The following MPPED1 variants were observed in gnomAD, a reference collection of about 807,000 sequenced individuals.
MPPED1 encodes the protein metallophosphoesterase domain containing 1.
In MPPED1, 16 loss-of-function variants were observed where a neutral mutation model predicts 36.2. The observed-to-expected ratio is 0.44, with a 90% CI of 0.30 to 0.67. MPPED1 has a LOEUF of 0.67. MPPED1 is among the 30% of genes least tolerant of loss of function. The pLI is 0.10. For missense variants in MPPED1, 307 were observed against 453.4 expected (o/e 0.68, Z 2.93); for synonymous variants, 199 against 191.3 (o/e 1.04, Z -0.33).
intron 2 of MPPED1, among the ~76,000 whole-genome samples, chr22:43,428,408 G>A (rs930315506): frequency 3.3e-5 from 5 of 152,192 alleles, no homozygotes; most frequent in Admixed American, 6.5e-5. Context: ...GTGGGCACAG[G>A]GATGAGGGGG....
intron 3 of MPPED1, among the ~76,000 whole-genome samples, chr22:43,445,266 G>A (rs1395805706): frequency 6.6e-6 from 1 of 152,174 alleles, no homozygotes; most frequent in African/African-American, 2.4e-5. Flanking sequence ...GTTACCTGGT[G>A]TATAAAACAT....
chr22:43,467,256 G>C (rs1466687349), intron 3 of MPPED1, among the ~76,000 whole-genome samples: 2 of 152,212 alleles, frequency 1.3e-5, no homozygotes, highest in Non-Finnish European at 2.9e-5. Flanking sequence ...TGCCTGCTAA[G>C]GGTGTCTGGA....
intron 5 of MPPED1, among the ~76,000 whole-genome samples, chr22:43,499,409 T>A (rs1162020947): frequency 9.4e-5 from 12 of 127,476 alleles, no homozygotes; most frequent in Non-Finnish European, 1.7e-4. Context: ...ATGGTGGTGG[T>A]GATAGAAGTG....
chr22:43,460,440 C>G (rs2146866329), intron 3 of MPPED1, among the ~76,000 whole-genome samples: 1 of 152,020 alleles, frequency 6.6e-6, no homozygotes, highest in Non-Finnish European at 1.5e-5. Context: ...AAGTGATTCT[C>G]CTGCCTCGGC....
At chr22:43,498,025 G>C (rs1184814727) in intron 4 of MPPED1, among the ~76,000 whole-genome samples, 1 of 150,782 alleles carries the variant, frequency 6.6e-6, no homozygotes, top group Admixed American at 6.6e-5. Context: ...AGCAGAAGGA[G>C]AGAGGAAAGA....
chr22:43,443,391 C>T (rs1475378168), intron 3 of MPPED1, among the ~76,000 whole-genome samples: 1 of 152,138 alleles, frequency 6.6e-6, no homozygotes, highest in Non-Finnish European at 1.5e-5. Flanking sequence ...GAGAGGACGC[C>T]AGGGTACCAG....
At position 43,487,406 on chromosome 22, in the gene MPPED1, G is replaced by A. The variant is rs562863854; in HGVS notation, c.633-10829G>A. On this transcript the variant is annotated intron_variant, in intron 4 of 6. Transcript: ENST00000443721. The stretch of plus-strand genomic sequence containing the variant: ...AAGGTTGACATGGGTGGTGAGCTCC[G>A]TGGGGATCCTGAACAGAATGACCTG... Among the ~76,000 whole-genome samples, 105 of 152,324 alleles carry A rather than the reference G, an allele frequency of 6.9e-4. 1 individual carries two copies. The highest frequency in any genetic ancestry group is 2.0e-3 in the African/African-American group (83 of 41,576).
chr22:43,426,491 G>A (rs1929477293), intron 2 of MPPED1, among the ~76,000 whole-genome samples: 1 of 152,204 alleles, frequency 6.6e-6, no homozygotes, highest in Non-Finnish European at 1.5e-5. Context: ...CCAGGCCCTG[G>A]GCCGCCTCTG....
chr22:43,413,460 C>T (rs1418256442), intron 1 of MPPED1, among the ~76,000 whole-genome samples: 2 of 152,086 alleles, frequency 1.3e-5, no homozygotes, highest in South Asian at 2.1e-4. Flanking sequence ...CTGACTGCCA[C>T]GTCCAGTCGG....
intron 1 of MPPED1, among the ~76,000 whole-genome samples, chr22:43,422,574 T>A (rs1459010062): frequency 1.3e-5 from 2 of 152,222 alleles, no homozygotes; most frequent in Admixed American, 6.5e-5. Flanking sequence ...AATATTTGAG[T>A]TCTCCAGGGC....
At chr22:43,445,517 C>T (rs1449386008) in intron 3 of MPPED1, among the ~76,000 whole-genome samples, 3 of 150,044 alleles carry the variant, frequency 2.0e-5, no homozygotes, top group African/African-American at 4.9e-5. Flanking sequence ...CCTGCCCCCT[C>T]TTGCTGCCAT....
chr22:43,454,127 G>A (rs1457567978), intron 3 of MPPED1, among the ~76,000 whole-genome samples: 2 of 151,874 alleles, frequency 1.3e-5, no homozygotes. Context: ...TCCTGCCTCA[G>A]CCTCCCAAGT....
intron 1 of MPPED1, among the ~76,000 whole-genome samples, chr22:43,419,413 G>A (rs892992683): frequency 1.3e-5 from 2 of 152,160 alleles, no homozygotes; most frequent in African/African-American, 4.8e-5. Context: ...GGTGAACGCA[G>A]GGGTGGGGTT....
At chr22:43,417,214 A>G (rs1006426432) in intron 1 of MPPED1, among the ~76,000 whole-genome samples, 10 of 152,186 alleles carry the variant, frequency 6.6e-5, no homozygotes, top group Admixed American at 4.6e-4. Flanking sequence ...TTTGCAAGGA[A>G]TAGGGGCTAA....
intron 3 of MPPED1, among the ~76,000 whole-genome samples, chr22:43,445,666 C>A (rs1043070422): frequency 1.3e-5 from 2 of 148,184 alleles, no homozygotes; most frequent in African/African-American, 5.0e-5. Context: ...GCTTAAGCAA[C>A]CCTCCCGTCT....
chr22:43,447,883 A>ATATATATTTTT (rs1321289636), intron 3 of MPPED1, among the ~76,000 whole-genome samples: 16 of 67,704 alleles, frequency 2.4e-4, no homozygotes, highest in African/African-American at 1.0e-3. Flanking sequence ...ATATATATAT[A>ATATATATTTTT]TTTTTTTTTT....
In MPPED1 at chr22:43,474,759, A is replaced by T; in HGVS notation, c.430A>T (p.Ile144Phe). 6.2e-7 allele frequency: 1 copy of T among 1,613,958 alleles called. No homozygotes were observed. Among genetic ancestry groups the T allele is most frequent in the Non-Finnish European group, 8.5e-7 (1 of 1,179,874 alleles). ...AGGCAGCCTGCCCTACGAGTACAAGATCGTGATCGCAGGCAACCACGAGCT... is the reference window on the plus strand; with the variant it reads ...AGGCAGCCTGCCCTACGAGTACAAGTTCGTGATCGCAGGCAACCACGAGCT... ...WLGSLPYEYK[I>F]VIAGNHELTF... Residue 144 changes from isoleucine (I) to phenylalanine (F), a missense_variant, in exon 4 of 7, where the codon ATC (isoleucine) becomes TTC (phenylalanine). By Grantham distance (21) the Ile-to-Phe change is conservative (BLOSUM62 0). Around this residue, in one of 3 missense-constraint regions of MPPED1, gnomAD observed 169 missense variants for 212.3 expected, o/e 0.80. Coordinates refer to ENST00000443721, the MANE Select transcript of MPPED1 (RefSeq NM_001044370.2). This position sits in a 1 kb window ranked among gnomAD's most constrained non-coding sequence, Gnocchi z 5.2.
rs1319797546 is a variant in MPPED1, at chr22:43,507,693, CA to C, written c.*2078del. 9 of 151,906 alleles carry C rather than the reference CA, an allele frequency of 5.9e-5. No individual in the cohort carries two copies. Among genetic ancestry groups the C allele is most frequent in the Non-Finnish European group, 1.3e-4 (9 of 68,018 alleles). 9.4% of individuals were successfully genotyped at this position (151,906 alleles called of 1,614,324 possible). ...ATGTGGAAAAGAAAAGTTATGAAGGCAGCTGTTACTTTAAGAGAAAATTCAT... is the reference window on the plus strand; with the variant it reads ...ATGTGGAAAAGAAAAGTTATGAAGGCGCTGTTACTTTAAGAGAAAATTCAT... On this transcript the variant is annotated 3_prime_UTR_variant, in exon 7 of 7. Transcript: ENST00000443721.
chr22:43,502,874 C>A lies in MPPED1; in HGVS notation c.862+117C>A. 3.6e-6 allele frequency: 3 copies of A among 829,782 alleles called. 1 individual carries two copies. The highest frequency in any genetic ancestry group is 2.9e-5 in the South Asian group (2 of 68,578). 51.4% of individuals were successfully genotyped at this position (829,782 alleles called of 1,614,324 possible). A position where few individuals can be genotyped will look rare whatever the true frequency, so the allele number is the denominator to read the frequency against. Reference sequence around the variant, plus strand: ...ATAAATAGCCCATTCCTACTGTTCGCTTTGTAACTGCTAACTGCCATACAC... The same window carrying A: ...ATAAATAGCCCATTCCTACTGTTCGATTTGTAACTGCTAACTGCCATACAC... On this transcript the variant is annotated intron_variant, in intron 6 of 6. Transcript: ENST00000443721. The surrounding 1 kb of genome is among the most constrained non-coding windows in gnomAD (Gnocchi z 5.5).
Sources: allele counts gnomAD v4.1 joint callset (sites outside exome capture counted in the v4.1 genomes callset), GRCh38; gene constraint gnomAD v4.1.1; regional missense constraint gnomAD v4.1.1; non-coding constraint Gnocchi (gnomAD v3.1); transcripts MANE v1.5; gene names NCBI Gene and HGNC (gene_info 2026-07-23, HGNC 2026-07-21).